The following SLC24A3 variants were observed in gnomAD, a reference collection of about 807,000 sequenced individuals.
The protein encoded by SLC24A3 is sodium/potassium/calcium exchanger 3.
A neutral mutation model predicts 75.8 loss-of-function variants in SLC24A3; 28 were observed. The ratio of observed to expected loss-of-function variants is 0.37; its 90% confidence interval spans 0.27 to 0.51. SLC24A3 has a LOEUF of 0.51. SLC24A3 is among the 20% of genes least tolerant of loss of function. The probability of loss-of-function intolerance (pLI) is 0.94; values close to 1 mark genes in which losing one functional copy is unlikely to be tolerated. For missense variants in SLC24A3, 663 were observed against 847.8 expected (o/e 0.78, Z 2.71); for synonymous variants, 372 against 334.1 (o/e 1.11, Z -1.24).
At chr20:19,306,255 A>G (rs977273896) in intron 2 of SLC24A3, among the ~76,000 whole-genome samples, 1 of 152,246 alleles carries the variant, frequency 6.6e-6, no homozygotes, top group Non-Finnish European at 1.5e-5. Flanking sequence ...GAGAAAACAG[A>G]ATGCTTATAT....
At chr20:19,538,419 T>A (rs2030438179) in intron 3 of SLC24A3, among the ~76,000 whole-genome samples, 2 of 152,114 alleles carry the variant, frequency 1.3e-5, no homozygotes, top group South Asian at 4.1e-4. Context: ...CTGTTAAAAA[T>A]CAATAAGAAA....
At chr20:19,492,203 A>G (rs1280929850) in intron 2 of SLC24A3, among the ~76,000 whole-genome samples, 1 of 152,034 alleles carries the variant, frequency 6.6e-6, no homozygotes, top group African/African-American at 2.4e-5. Flanking sequence ...TCTTTACTAT[A>G]CTCTAAAGCA....
rs770228649 is a variant in SLC24A3 at position 19,238,577 on chromosome 20, C to T, written c.142+25593C>T. On this transcript the variant is annotated intron_variant, in intron 1 of 16. Transcript: ENST00000328041. ...GAGGTACCTATTTAAAGTGTAACTT[C>T]GATTTTAAAGCAAAGTGGATGCTTG... 5.3e-5 allele frequency among the ~76,000 whole-genome samples: 8 copies of T among 152,292 alleles called. No homozygotes were observed. The South Asian group carries it at 1.7e-3, about 32-fold the overall frequency.
intron 2 of SLC24A3, among the ~76,000 whole-genome samples, chr20:19,420,592 CATTTTCATAATTTCATAATTTCATAATTT>C (rs1298639444): frequency 0.16 from 15,624 of 100,252 alleles, 4,715 homozygotes; most frequent in East Asian, 0.52. Flanking sequence ...GCCATACTGC[CATTTTCATAATTTCATAATTTCATAATTT>C]CATAATTTAC....
intron 2 of SLC24A3, among the ~76,000 whole-genome samples, chr20:19,490,327 A>C (rs1417560801): frequency 1.3e-5 from 2 of 152,222 alleles, no homozygotes; most frequent in Non-Finnish European, 2.9e-5. Context: ...GGCTCGTGAG[A>C]AATCTGGCAG....
chr20:19,711,500 A>G (rs995880899), intron 15 of SLC24A3, among the ~76,000 whole-genome samples: 1 of 151,776 alleles, frequency 6.6e-6, no homozygotes, highest in African/African-American at 2.4e-5. Context: ...AAATGCACAC[A>G]CGTGCATGCA....
At chr20:19,366,945 C>A (rs1985902341) in intron 2 of SLC24A3, among the ~76,000 whole-genome samples, 1 of 152,070 alleles carries the variant, frequency 6.6e-6, no homozygotes, top group Non-Finnish European at 1.5e-5. Flanking sequence ...GTGGCTCAAC[C>A]CCAAGTGCTC....
intron 2 of SLC24A3, among the ~76,000 whole-genome samples, chr20:19,367,746 G>C (rs1985919582): frequency 6.6e-6 from 1 of 152,180 alleles, no homozygotes; most frequent in African/African-American, 2.4e-5. Flanking sequence ...TGGTGGGGAG[G>C]CTCATGAAAC....
intron 2 of SLC24A3, among the ~76,000 whole-genome samples, chr20:19,295,320 A>T (rs1214946127): frequency 2.0e-5 from 3 of 152,146 alleles, no homozygotes; most frequent in Admixed American, 1.3e-4. Context: ...AGACAGTTTG[A>T]CTTCCTCTTC....
At chr20:19,595,776 A>T (rs1291954131) in intron 6 of SLC24A3, among the ~76,000 whole-genome samples, 2 of 152,192 alleles carry the variant, frequency 1.3e-5, no homozygotes, top group South Asian at 4.1e-4. Flanking sequence ...TTATTGATGG[A>T]AATGCATTGG....
At chr20:19,266,766 G>C (rs1305755739) in intron 1 of SLC24A3, among the ~76,000 whole-genome samples, 1 of 152,160 alleles carries the variant, frequency 6.6e-6, no homozygotes, top group African/African-American at 2.4e-5. Context: ...TATCAACAGA[G>C]CCTGAGGCAA....
At chr20:19,582,914 G>A (rs921127042) in intron 4 of SLC24A3, among the ~76,000 whole-genome samples, 3 of 152,166 alleles carry the variant, frequency 2.0e-5, no homozygotes, top group Non-Finnish European at 2.9e-5. Context: ...TGGGGAGGGT[G>A]GGAGGCTTTG....
chr20:19,214,511 C>T (rs973481663), intron 1 of SLC24A3, among the ~76,000 whole-genome samples: 6 of 152,186 alleles, frequency 3.9e-5, no homozygotes, highest in African/African-American at 7.2e-5. Context: ...GTGGATTACA[C>T]GCTGGCCATT....
chr20:19,440,869 C>T (rs1004213426), intron 2 of SLC24A3, among the ~76,000 whole-genome samples: 2 of 151,774 alleles, frequency 1.3e-5, no homozygotes, highest in Non-Finnish European at 2.9e-5. Flanking sequence ...AGCACTGGGC[C>T]GACAGCAGCC....
intron 4 of SLC24A3, among the ~76,000 whole-genome samples, chr20:19,584,581 C>T (rs1481625160): frequency 6.6e-6 from 1 of 152,208 alleles, no homozygotes; most frequent in Non-Finnish European, 1.5e-5. Flanking sequence ...ACCATAGCCT[C>T]AGACCTACCG....
chr20:19,407,947 G>C (rs766103471), intron 2 of SLC24A3, among the ~76,000 whole-genome samples: 22 of 152,118 alleles, frequency 1.4e-4, no homozygotes, highest in Non-Finnish European at 3.2e-4. Context: ...GAAACCTTGT[G>C]GCTTTATGGG....
At chr20:19,498,425 T>G (rs1988329197) in intron 2 of SLC24A3, among the ~76,000 whole-genome samples, 1 of 152,098 alleles carries the variant, frequency 6.6e-6, no homozygotes, top group Non-Finnish European at 1.5e-5. Flanking sequence ...AAACTCTGGA[T>G]GGCTGTGCCC....
rs144861517 is a variant in SLC24A3, at chr20:19,682,010, T to C, written c.901+19T>C. On this transcript the variant is annotated intron_variant, in intron 10 of 16. Transcript: ENST00000328041. ...AAGAAAGGTAACCAAGGAGAGCACT[T>C]TGGGGTCCAAGGCAGGAGGATCAAT... 333 of 1,612,710 alleles carry C rather than the reference T, an allele frequency of 2.1e-4. 1 individual carries two copies. In the African/African-American group the frequency reaches 3.8e-3, roughly 18 times the overall value.
In SLC24A3 at chr20:19,684,355, T is replaced by C. The variant is rs2032648797; in HGVS notation, c.1062+19T>C. 1 of 1,608,768 alleles carries C rather than the reference T, an allele frequency of 6.2e-7. No homozygotes were observed. The highest frequency in any genetic ancestry group is 8.5e-7 in the Non-Finnish European group (1 of 1,176,814). On this transcript the variant is annotated intron_variant, in intron 11 of 16. Coordinates refer to ENST00000328041, the MANE Select transcript of SLC24A3 (RefSeq NM_020689.4). ...CAATGAGGTACCTGGGAAAGCACTG[T>C]CCACTGCCCACTGGACAGGGGTGGG...
Sources: allele counts gnomAD v4.1 joint callset (sites outside exome capture counted in the v4.1 genomes callset), GRCh38; gene constraint gnomAD v4.1.1; transcripts MANE v1.5; gene names NCBI Gene and HGNC (gene_info 2026-07-23, HGNC 2026-07-21).